TM4SF5: variants seen among roughly 807,000 people sequenced by gnomAD.
TM4SF5 encodes the protein transmembrane 4 L six family member 5, also known as transmembrane 4 L6 family member 5.
In TM4SF5, 16 loss-of-function variants were observed where a neutral mutation model predicts 22.3. That is an observed-to-expected ratio of 0.72 (90% CI 0.49 to 1.09). The LOEUF (loss-of-function observed/expected upper bound fraction) is 1.09. Among genes scored for constraint, TM4SF5 ranks in the 50% least tolerant of loss-of-function variants. The pLI is 0.00. For missense variants in TM4SF5, 249 were observed against 266.1 expected, an observed-to-expected ratio of 0.94 and a Z score of 0.45; for synonymous variants, 113 against 109.6, an observed-to-expected ratio of 1.03 and a Z score of -0.19.
Position 4,783,049 on chromosome 17 carries a change from T to A in TM4SF5, c.579+12T>A. The A allele has an allele frequency of 6.2e-7, 1 of 1,614,116 alleles. No homozygotes were observed. The highest frequency in any genetic ancestry group is 8.5e-7 in the Non-Finnish European group (1 of 1,179,958). ...GCAGGAAAAAACAGGTGAAATTTCT[T>A]GCGGTGGAGTTGTAGAGGGAACCTG... On this transcript the variant is annotated intron_variant, in intron 4 of 4. Coordinates refer to ENST00000270560, the MANE Select transcript of TM4SF5 (RefSeq NM_003963.3).
At chr17:4,776,281 T>G (rs1917203464) in intron 1 of TM4SF5, among the ~76,000 whole-genome samples, 1 of 151,750 alleles carries the variant, frequency 6.6e-6, no homozygotes, top group East Asian at 1.9e-4. Flanking sequence ...TACTGTTTGT[T>G]TGTTTGTTTT....
At chr17:4,782,022 A>G (rs1285717624) in intron 2 of TM4SF5, among the ~76,000 whole-genome samples, 2 of 151,284 alleles carry the variant, frequency 1.3e-5, no homozygotes, top group African/African-American at 4.9e-5. Context: ...GAGCTTGTGT[A>G]GCTAGGAATT....
rs760462256 is a variant in TM4SF5 at position 4,776,892 on chromosome 17, AAT to A, written c.178-3891_178-3890del. ...GGAGAATGGGTAGTAGAAGGTCTGC[AAT>A]ATATACAGAAAAAGACCAAACTGAG... On this transcript the variant is annotated intron_variant, in intron 1 of 4. Transcript: ENST00000270560. 1.8e-3 allele frequency among the ~76,000 whole-genome samples: 278 copies of A among 152,262 alleles called. 1 individual carries two copies. Among genetic ancestry groups the A allele is most frequent in the Non-Finnish European group, 2.3e-3 (158 of 68,024 alleles).
intron 1 of TM4SF5, among the ~76,000 whole-genome samples, chr17:4,778,134 C>T (rs1373473582): frequency 6.6e-6 from 1 of 152,118 alleles, no homozygotes; most frequent in Admixed American, 6.6e-5. Flanking sequence ...CCACAAGCCT[C>T]CAGTAAGTGA....
At chr17:4,775,452 GA>G (rs1870603378) in intron 1 of TM4SF5, among the ~76,000 whole-genome samples, 1 of 151,284 alleles carries the variant, frequency 6.6e-6, no homozygotes, top group African/African-American at 2.4e-5. Context: ...TTTTAGTAGA[GA>G]TGGGGTTTCA....
intron 1 of TM4SF5, among the ~76,000 whole-genome samples, chr17:4,776,034 G>C (rs1160534684): frequency 6.6e-6 from 1 of 151,624 alleles, no homozygotes; most frequent in Non-Finnish European, 1.5e-5. Context: ...CTTTAGTAGA[G>C]ATGGGGGTTT....
chr17:4,778,675 A>C (rs1003525124), intron 1 of TM4SF5, among the ~76,000 whole-genome samples: 19 of 152,280 alleles, frequency 1.2e-4, no homozygotes, highest in African/African-American at 4.3e-4. Context: ...GATAGGAGAC[A>C]GGCAAAGAAC....
chr17:4,782,132 T>A (rs1490756837), intron 2 of TM4SF5, among the ~76,000 whole-genome samples: 1 of 151,700 alleles, frequency 6.6e-6, no homozygotes, highest in African/African-American at 2.4e-5. Context: ...GGTCTGGCTC[T>A]GTCGCCCAGG....
rs1425417896 is a variant in TM4SF5, at chr17:4,771,959, T to A, written c.37T>A (p.Ser13Thr). Reference sequence around the variant, plus strand: ...AAAATGTGCCCGCTGTGTGGGGCTCTCCCTCATTACCCTCTGCCTCGTCTG... The same window carrying A: ...AAAATGTGCCCGCTGTGTGGGGCTCACCCTCATTACCCTCTGCCTCGTCTG... Reference protein sequence around the residue: ...TGKCARCVGLSLITLCLVCIV... With the variant: ...TGKCARCVGLTLITLCLVCIV... Residue 13 changes from serine to threonine, a missense_variant, in exon 1 of 5, where the codon TCC (serine) becomes ACC (threonine). By Grantham distance (58) the Ser-to-Thr change is moderately conservative. Transcript: ENST00000270560. 1 of 1,614,186 alleles carries A rather than the reference T, an allele frequency of 6.2e-7. No homozygotes were observed. The highest frequency in any genetic ancestry group is 1.3e-5 in the African/African-American group (1 of 75,052).
chr17:4,783,064 G>A lies in TM4SF5; in HGVS notation c.579+27G>A. ...TGAAATTTCTTGCGGTGGAGTTGTA[G>A]AGGGAACCTGCCTGGTCCTGGCTGC... On this transcript the variant is annotated intron_variant, in intron 4 of 4. Coordinates refer to ENST00000270560, the MANE Select transcript of TM4SF5 (RefSeq NM_003963.3). 1.9e-6 allele frequency: 3 copies of A among 1,614,140 alleles called. No individual in the cohort carries two copies. The South Asian group carries it at 3.3e-5, about 18-fold the overall frequency.
At chr17:4,777,696 C>A (rs1325640194) in intron 1 of TM4SF5, among the ~76,000 whole-genome samples, 1 of 152,040 alleles carries the variant, frequency 6.6e-6, no homozygotes, top group African/African-American at 2.4e-5. Context: ...ACCAGCCTGA[C>A]CAACATGGAG....
intron 2 of TM4SF5, 128 bp from the exon 3 acceptor site, chr17:4,782,375 G>A (rs543598084): frequency 1.4e-5 from 17 of 1,182,176 alleles, no homozygotes; most frequent in Non-Finnish European, 2.1e-5. Context: ...CACCGCGCCC[G>A]GCATTAAAAA....
chr17:4,777,763 A>T (rs1917234339), intron 1 of TM4SF5, among the ~76,000 whole-genome samples: 1 of 152,154 alleles, frequency 6.6e-6, no homozygotes, highest in Non-Finnish European at 1.5e-5. Context: ...GCATGCATGT[A>T]ATCCCAGCTA....
intron 1 of TM4SF5, among the ~76,000 whole-genome samples, chr17:4,775,629 C>T (rs1298269346): frequency 2.0e-5 from 3 of 151,936 alleles, no homozygotes; most frequent in Non-Finnish European, 2.9e-5. Flanking sequence ...GTCACACAGA[C>T]AAGTACCCAG....
intron 2 of TM4SF5, among the ~76,000 whole-genome samples, chr17:4,782,084 A>T (rs1917320040): frequency 8.6e-6 from 1 of 115,966 alleles, no homozygotes; most frequent in Admixed American, 1.1e-4. Context: ...CAGAGTCCGA[A>T]TTTCTAATTT....
intron 3 of TM4SF5, 44 bp from the exon 4 acceptor site, chr17:4,782,810 A>G: frequency 1.3e-6 from 2 of 1,587,968 alleles, no homozygotes; most frequent in South Asian, 1.1e-5. Flanking sequence ...GGGGTGGCGC[A>G]CGCGCACGCT....
chr17:4,782,286 C>T (rs894479789), intron 2 of TM4SF5, among the ~76,000 whole-genome samples: 4 of 151,948 alleles, frequency 2.6e-5, no homozygotes, highest in Admixed American at 6.6e-5. Flanking sequence ...TCCATGTTGG[C>T]CAGGCTGGTC....
At chr17:4,775,013 G>A (rs1917180783) in intron 1 of TM4SF5, among the ~76,000 whole-genome samples, 1 of 152,164 alleles carries the variant, frequency 6.6e-6, no homozygotes, top group African/African-American at 2.4e-5. Context: ...TCTATGAGGT[G>A]ATGTCTGAAC....
At chr17:4,779,335 A>G (rs1917258889) in intron 1 of TM4SF5, among the ~76,000 whole-genome samples, 1 of 152,148 alleles carries the variant, frequency 6.6e-6, no homozygotes, top group Non-Finnish European at 1.5e-5. Flanking sequence ...AGGCTGAGGC[A>G]GGAGGATCAC....
Sources: allele counts gnomAD v4.1 joint callset (sites outside exome capture counted in the v4.1 genomes callset), GRCh38; gene constraint gnomAD v4.1.1; transcripts MANE v1.5; gene names NCBI Gene and HGNC (gene_info 2026-07-23, HGNC 2026-07-21).